The following CDH6 variants were observed in gnomAD, a reference collection of about 807,000 sequenced individuals.
CDH6 encodes the protein cadherin 6.
CDH6 carries 31 observed loss-of-function variants against 78.0 expected under a neutral mutation model. The ratio of observed to expected loss-of-function variants is 0.40; its 90% CI spans 0.30 to 0.54. The LOEUF is 0.54. Among genes scored for constraint, CDH6 ranks in the 20% least tolerant of loss-of-function variants. The probability of loss-of-function intolerance (pLI) is 0.56; values close to 1 mark genes in which losing one functional copy is unlikely to be tolerated. For synonymous variants in CDH6, 376 were observed against 368.8 expected, an observed-to-expected ratio of 1.02 and a Z score of -0.23; for missense variants, 724 against 975.9, an observed-to-expected ratio of 0.74 and a Z score of 3.44.
At chr5:31,204,434 A>C (rs1740457387) in intron 1 of CDH6, among the ~76,000 whole-genome samples, 1 of 152,204 alleles carries the variant, frequency 6.6e-6, no homozygotes, top group African/African-American at 2.4e-5. Flanking sequence ...AGTTGGAAGC[A>C]ACATAAGAGT....
chr5:31,199,685 G>GTATATATATATATATA (rs1554035032), intron 1 of CDH6, among the ~76,000 whole-genome samples: 24 of 79,856 alleles, frequency 3.0e-4, no homozygotes, highest in South Asian at 6.2e-4. Flanking sequence ...GTGTGTGTGT[G>GTATATATATATATATA]TATATATATA....
At chr5:31,205,421 C>T (rs4295403) in intron 1 of CDH6, among the ~76,000 whole-genome samples, 62,336 of 151,932 alleles carry the variant, frequency 0.41, 13,418 homozygotes, top group South Asian at 0.55. Context: ...CCAGCCCTCA[C>T]CTTCCTCCAG....
intron 1 of CDH6, among the ~76,000 whole-genome samples, chr5:31,200,567 T>TACTC (rs1554035110): frequency 2.1e-5 from 3 of 144,372 alleles, no homozygotes; most frequent in Non-Finnish European, 4.6e-5. Context: ...CACACATACA[T>TACTC]ACACACACAC....
At chr5:31,199,707 A>ATATATATATATATATT (rs1740293382) in intron 1 of CDH6, among the ~76,000 whole-genome samples, 1 of 136,880 alleles carries the variant, frequency 7.3e-6, no homozygotes, top group Non-Finnish European at 1.6e-5. Flanking sequence ...ATATATATAT[A>ATATATATATATATATT]TATATATATC....
At chr5:31,311,280 G>T (rs961168680) in intron 7 of CDH6, among the ~76,000 whole-genome samples, 4 of 152,176 alleles carry the variant, frequency 2.6e-5, no homozygotes, top group African/African-American at 9.7e-5. Flanking sequence ...CAGTCTCTTT[G>T]CTAGAGCAAA....
At chr5:31,297,238 G>A in intron 3 of CDH6, 51 bp from the exon 4 acceptor site, 1 of 1,544,384 alleles carries the variant, frequency 6.5e-7, no homozygotes, top group Non-Finnish European at 8.9e-7. Flanking sequence ...GTGTGTCAAA[G>A]ATTGATATGA....
chr5:31,279,353 A>G (rs1742791344), intron 2 of CDH6, among the ~76,000 whole-genome samples: 1 of 152,150 alleles, frequency 6.6e-6, no homozygotes, highest in Non-Finnish European at 1.5e-5. Context: ...GGATCACCTG[A>G]GCCCAGAAGT....
intron 1 of CDH6, among the ~76,000 whole-genome samples, chr5:31,255,083 TC>T (rs1456533907): frequency 2.0e-5 from 3 of 152,190 alleles, no homozygotes; most frequent in Non-Finnish European, 4.4e-5. Context: ...AAATGCAACA[TC>T]CAAATATTCT....
intron 1 of CDH6, among the ~76,000 whole-genome samples, chr5:31,199,460 A>ATATATACACACACATATGTG (rs869273934): frequency 4.2e-5 from 1 of 23,712 alleles, no homozygotes; most frequent in African/African-American, 8.3e-5. Context: ...ACATATGTGT[A>ATATATACACACACATATGTG]TATATACACA....
At chr5:31,232,367 A>G (rs1741334982) in intron 1 of CDH6, among the ~76,000 whole-genome samples, 1 of 152,152 alleles carries the variant, frequency 6.6e-6, no homozygotes, top group Non-Finnish European at 1.5e-5. Flanking sequence ...GGACGTTTTA[A>G]ATTTTTCTTC....
At chr5:31,218,674 C>T (rs1046775556) in intron 1 of CDH6, among the ~76,000 whole-genome samples, 2 of 152,120 alleles carry the variant, frequency 1.3e-5, no homozygotes, top group Non-Finnish European at 2.9e-5. Context: ...CTTGCAGAAC[C>T]TAAGTCCAAA....
intron 2 of CDH6, among the ~76,000 whole-genome samples, chr5:31,271,832 C>G (rs1742538786): frequency 6.6e-6 from 1 of 152,088 alleles, no homozygotes; most frequent in African/African-American, 2.4e-5. Context: ...ACAAGATCCC[C>G]AGGTGAATCG....
rs1737498156 is a variant in CDH6, at chr5:31,293,944, T to G, written c.229-18T>G. On this transcript the variant is annotated intron_variant, in intron 2 of 11. Coordinates refer to ENST00000265071, the MANE Select transcript of CDH6 (RefSeq NM_004932.4). ...ATGCTTGACTTTTACTTTCTTTAATTTTTTTTTTCTACACTAGTTACATTC... is the reference window on the plus strand; with the variant it reads ...ATGCTTGACTTTTACTTTCTTTAATGTTTTTTTTCTACACTAGTTACATTC... The G allele has an allele frequency of 9.2e-6, 14 of 1,520,800 alleles. No individual in the cohort carries two copies. The highest frequency in any genetic ancestry group is 1.2e-5 in the Non-Finnish European group (13 of 1,128,762). 94.2% of individuals were successfully genotyped at this position (1,520,800 alleles called of 1,614,324 possible).
At chr5:31,202,551 G>C (rs866283766) in intron 1 of CDH6, among the ~76,000 whole-genome samples, 1 of 151,882 alleles carries the variant, frequency 6.6e-6, no homozygotes, top group African/African-American at 2.4e-5. Context: ...AGGGAGAATC[G>C]CTGGAACCCA....
chr5:31,262,681 C>G (rs916898775), intron 1 of CDH6, among the ~76,000 whole-genome samples: 8 of 152,062 alleles, frequency 5.3e-5, no homozygotes, highest in Admixed American at 2.0e-4. Flanking sequence ...GCTTTTCCTC[C>G]CTCCCACCAT....
chr5:31,217,366 C>CA (rs1170751135), intron 1 of CDH6, among the ~76,000 whole-genome samples: 8 of 152,106 alleles, frequency 5.3e-5, no homozygotes, highest in African/African-American at 1.9e-4. Context: ...TTTTCTACAT[C>CA]AAAAAGTATC....
At chr5:31,248,561 G>A (rs1741821484) in intron 1 of CDH6, among the ~76,000 whole-genome samples, 1 of 152,100 alleles carries the variant, frequency 6.6e-6, no homozygotes, top group Admixed American at 6.6e-5. Flanking sequence ...TTATTCTTGA[G>A]ACTTCGGGTT....
intron 2 of CDH6, among the ~76,000 whole-genome samples, chr5:31,287,134 A>G (rs148254890): frequency 3.9e-4 from 59 of 152,312 alleles, no homozygotes; most frequent in African/African-American, 1.3e-3. Flanking sequence ...TTAGGCACTG[A>G]TGGTACAGAG....
At chr5:31,267,201 C>T (rs1561050019) in intron 1 of CDH6, 145 bp from the exon 2 acceptor site, 3 of 438,330 alleles carry the variant, frequency 6.8e-6, no homozygotes, top group East Asian at 3.7e-5. Context: ...TCTGGAAGAC[C>T]GTCTCCTTCG....
Sources: gnomAD v4.1 joint callset for allele counts (sites outside exome capture counted in the v4.1 genomes callset) on GRCh38, gnomAD v4.1.1 for gene constraint, MANE v1.5 for transcripts, NCBI Gene and HGNC (gene_info 2026-07-23, HGNC 2026-07-21) for gene names.